C17orf78: variants seen among roughly 807,000 people sequenced by gnomAD.
C17orf78 encodes the protein chromosome 17 open reading frame 78, also known as uncharacterized protein C17orf78.
In C17orf78, 27 loss-of-function variants were observed where a neutral mutation model predicts 31.8. The ratio of observed to expected loss-of-function variants is 0.85; its 90% confidence interval spans 0.63 to 1.17. The LOEUF (loss-of-function observed/expected upper bound fraction) is 1.17, where lower values mean the gene tolerates loss of function less well. Ranked by LOEUF, C17orf78 falls within the 50% of genes most tolerant of loss-of-function variation. The pLI is 0.00. For synonymous variants in C17orf78, 106 were observed against 115.1 expected (o/e 0.92, Z 0.51); for missense variants, 258 against 315.2 (o/e 0.82, Z 1.37).
At chr17:37,381,777 G>A (rs968731684) in intron 3 of C17orf78, among the ~76,000 whole-genome samples, 55 of 151,308 alleles carry the variant, frequency 3.6e-4, no homozygotes, top group African/African-American at 5.8e-4. Flanking sequence ...ACAGGCACTC[G>A]CCACCACACC....
At chr17:37,376,505 G>A (rs1431851996) in intron 1 of C17orf78, among the ~76,000 whole-genome samples, 1 of 152,184 alleles carries the variant, frequency 6.6e-6, no homozygotes, top group Non-Finnish European at 1.5e-5. Context: ...CCTTTTTTAA[G>A]TTGGTACATG....
Position 37,391,902 on chromosome 17 carries a change from C to A in C17orf78, c.*178C>A. On this transcript the variant is annotated 3_prime_UTR_variant, in exon 7 of 7. Coordinates refer to ENST00000615133, the MANE Select transcript of C17orf78 (RefSeq NM_173625.5). ...AGCAGAGTTACCCTCATGCCCCTAT[C>A]TGAGCCACAACCTTCTGTAATTCAC... The A allele has an allele frequency of 1.6e-6, 1 of 615,862 alleles. No individual in the cohort carries two copies. The allele number at this position is 615,862 out of a possible 1,614,324, so 38.1% of individuals were successfully genotyped here.
At position 37,392,041 on chromosome 17, in the gene C17orf78, A is replaced by C. The variant is rs2050906521; in HGVS notation, c.*317A>C. On this transcript the variant is annotated 3_prime_UTR_variant, in exon 7 of 7. Coordinates refer to ENST00000615133, the MANE Select transcript of C17orf78 (RefSeq NM_173625.5). ...ACTCTCTTTGACAGAAGACTCAAACACAGCCTCTAAGAAACAAGGCAGCTG... is the reference window on the plus strand; with the variant it reads ...ACTCTCTTTGACAGAAGACTCAAACCCAGCCTCTAAGAAACAAGGCAGCTG... The C allele has an allele frequency of 1.0e-5, 3 of 288,126 alleles. No homozygotes were observed. In the East Asian group the frequency reaches 1.8e-4, roughly 17 times the overall value. The allele number at this position is 288,126 out of a possible 1,614,324, so 17.8% of individuals were successfully genotyped here. A position where few individuals can be genotyped will look rare whatever the true frequency, so the allele number is the denominator to read the frequency against.
intron 6 of C17orf78, among the ~76,000 whole-genome samples, chr17:37,389,947 T>A (rs1029744053): frequency 4.7e-5 from 7 of 149,276 alleles, no homozygotes; most frequent in Non-Finnish European, 1.0e-4. Flanking sequence ...GGGCCCCATA[T>A]AAACTGAATC....
chr17:37,381,890 G>T (rs193284742), intron 3 of C17orf78, among the ~76,000 whole-genome samples: 1 of 151,646 alleles, frequency 6.6e-6, no homozygotes, highest in Non-Finnish European at 1.5e-5. Context: ...GCCTCCCAAA[G>T]TGCTGGGATT....
chr17:37,386,057 A>T lies in C17orf78; in HGVS notation c.440A>T (p.Glu147Val), dbSNP rs761123799. The T allele has an allele frequency of 6.2e-7, 1 of 1,606,584 alleles. No homozygotes were observed. Among genetic ancestry groups the T allele is most frequent in the Non-Finnish European group, 8.5e-7 (1 of 1,174,496 alleles). The part of the protein sequence containing the change: ...SQCKVLGASS[E>V]TFPTTAPSIT... ...TGTAAAGTCCTGGGGGCTTCATCAG[A>T]GACTTTTCCCACCACTGCCCCTTCT... Residue 147 changes from glutamate (E) to valine (V), a missense_variant, in exon 4 of 7, where the codon GAG becomes GTG. Coordinates refer to ENST00000615133, the MANE Select transcript of C17orf78 (RefSeq NM_173625.5).
intron 6 of C17orf78, among the ~76,000 whole-genome samples, chr17:37,390,299 C>T (rs1305465590): frequency 2.0e-3 from 37 of 18,064 alleles, no homozygotes; most frequent in South Asian, 7.0e-3. Context: ...ATATATTATA[C>T]ATAATTATAT....
intron 3 of C17orf78, among the ~76,000 whole-genome samples, chr17:37,384,601 A>G (rs1305396271): frequency 6.6e-6 from 1 of 151,984 alleles, no homozygotes; most frequent in Non-Finnish European, 1.5e-5. Context: ...GACTTGTCCA[A>G]AGTGAGATTT....
chr17:37,387,463 T>C (rs1197953775), intron 4 of C17orf78: 1 of 151,308 alleles, frequency 6.6e-6, no homozygotes, highest in Admixed American at 6.6e-5. Flanking sequence ...TTTTTGTTCT[T>C]TAAGATGGAG....
chr17:37,382,880 T>TA (rs1568084089), intron 3 of C17orf78, among the ~76,000 whole-genome samples: 2 of 150,978 alleles, frequency 1.3e-5, no homozygotes, highest in Admixed American at 6.6e-5. Flanking sequence ...CAAAACAAAA[T>TA]AAAAAAATTA....
At chr17:37,390,330 A>ATATATATATCTATATATATATATATATC (rs1386032855) in intron 6 of C17orf78, among the ~76,000 whole-genome samples, 1 of 41,582 alleles carries the variant, frequency 2.4e-5, no homozygotes, top group African/African-American at 1.3e-4. Context: ...ATATATATAT[A>ATATATATATCTATATATATATATATATC]TATAAAAGGC....
At chr17:37,386,332 C>G (rs2050528732) in intron 4 of C17orf78, among the ~76,000 whole-genome samples, 1 of 152,096 alleles carries the variant, frequency 6.6e-6, no homozygotes, top group South Asian at 2.1e-4. Context: ...TGGCTCATGT[C>G]TGTAATCCTA....
chr17:37,386,646 T>C (rs907140185), intron 4 of C17orf78, among the ~76,000 whole-genome samples: 2 of 152,094 alleles, frequency 1.3e-5, no homozygotes, highest in African/African-American at 4.8e-5. Flanking sequence ...GTTTGTAATT[T>C]GACACCATCA....
intron 1 of C17orf78, among the ~76,000 whole-genome samples, chr17:37,376,835 A>T (rs1000176942): frequency 6.6e-6 from 1 of 152,076 alleles, no homozygotes; most frequent in South Asian, 2.1e-4. Context: ...TGCACCTGTA[A>T]TCTCAGCTAC....
Position 37,376,006 on chromosome 17 carries a change from G to A in C17orf78, c.-87G>A. Reference sequence around the variant, plus strand: ...GGGTCAAACTTGGTTCCAGCTGCGTGTGGTGAAAGCAACTAGAGGCAGAGC... The same window carrying A: ...GGGTCAAACTTGGTTCCAGCTGCGTATGGTGAAAGCAACTAGAGGCAGAGC... On this transcript the variant is annotated 5_prime_UTR_variant, in exon 1 of 7. In the 5' UTR this introduces an upstream ATG that the reference lacks. Transcript: ENST00000615133. The A allele has an allele frequency of 8.7e-7, 1 of 1,153,326 alleles. No homozygotes were observed. The highest frequency in any genetic ancestry group is 2.4e-5 in the East Asian group (1 of 41,900). 71.4% of individuals were successfully genotyped at this position (1,153,326 alleles called of 1,614,324 possible). A position where few individuals can be genotyped will look rare whatever the true frequency, so the allele number is the denominator to read the frequency against.
At position 37,385,951 on chromosome 17, in the gene C17orf78, A is replaced by T. The variant is rs2050507064; in HGVS notation, c.392-58A>T. 4 of 1,217,126 alleles carry T rather than the reference A, an allele frequency of 3.3e-6. No homozygotes were observed. The East Asian group carries it at 7.7e-5, about 23-fold the overall frequency. The allele number at this position is 1,217,126 out of a possible 1,614,324, so 75.4% of individuals were successfully genotyped here. A position where few individuals can be genotyped will look rare whatever the true frequency, so the allele number is the denominator to read the frequency against. On this transcript the variant is annotated intron_variant, in intron 3 of 6. Transcript: ENST00000615133. ...GCTGGGCAGGGTTTCATCAGATAAAACCAAAGGCAGGATAAAGTTTTCCCC... is the reference window on the plus strand; with the variant it reads ...GCTGGGCAGGGTTTCATCAGATAAATCCAAAGGCAGGATAAAGTTTTCCCC...
At chr17:37,390,367 G>A (rs1363592875) in intron 6 of C17orf78, among the ~76,000 whole-genome samples, 2 of 107,908 alleles carry the variant, frequency 1.9e-5, no homozygotes, top group East Asian at 2.8e-4. Flanking sequence ...GGTGGCTCAC[G>A]CCTGTAATCC....
intron 4 of C17orf78, among the ~76,000 whole-genome samples, chr17:37,386,435 T>C (rs1395944498): frequency 1.3e-5 from 2 of 151,984 alleles, no homozygotes; most frequent in African/African-American, 4.8e-5. Flanking sequence ...CTACTAAAAA[T>C]ACAAAAATTA....
chr17:37,386,611 G>A (rs1437434777), intron 4 of C17orf78, among the ~76,000 whole-genome samples: 2 of 151,888 alleles, frequency 1.3e-5, no homozygotes, highest in Non-Finnish European at 2.9e-5. Flanking sequence ...AACAAAATTA[G>A]CTTCTCTATA....
Sources: gnomAD v4.1 joint callset for allele counts (sites outside exome capture counted in the v4.1 genomes callset) on GRCh38, gnomAD v4.1.1 for gene constraint, MANE v1.5 for transcripts, NCBI Gene and HGNC (gene_info 2026-07-23, HGNC 2026-07-21) for gene names.